CHD1L: variants seen among roughly 807,000 people sequenced by gnomAD.
CHD1L encodes chromodomain helicase DNA binding protein 1 like, also known as ATP-dependent chromatin remodeler CHD1L.
CHD1L carries 118 observed loss-of-function variants against 115.9 expected under a neutral mutation model. The observed-to-expected ratio is 1.02, with a 90% CI of 0.88 to 1.19. The LOEUF is 1.19. Ranked by LOEUF, CHD1L falls within the 50% of genes most tolerant of loss-of-function variation. CHD1L has a pLI of 0.00. For synonymous variants in CHD1L, 411 were observed against 387.1 expected (o/e 1.06, Z -0.72); for missense variants, 1,179 against 1,065.3 (o/e 1.11, Z -1.49).
intron 19 of CHD1L, among the ~76,000 whole-genome samples, chr1:147,291,186 C>G (rs1253537537): frequency 2.0e-5 from 3 of 152,164 alleles, no homozygotes; most frequent in African/African-American, 7.2e-5. Flanking sequence ...GCTCATAGTG[C>G]TCCCTCCCCA....
At chr1:147,284,682 A>C (rs1217010976) in intron 16 of CHD1L, among the ~76,000 whole-genome samples, 183 bp downstream of exon 16, 1 of 152,258 alleles carries the variant, frequency 6.6e-6, no homozygotes, top group Admixed American at 6.5e-5. Context: ...AAAAGTCAGC[A>C]TGAAAAACAT....
chr1:147,202,540 G>A, the CHD1L span, among the ~76,000 whole-genome samples: 16 of 151,926 alleles, frequency 1.1e-4, no homozygotes, highest in African/African-American at 2.9e-4. Context: ...AGCTGGTCTC[G>A]AACTCCTGAC....
At chr1:147,253,376 C>G (rs1267017742) in intron 2 of CHD1L, among the ~76,000 whole-genome samples, 1 of 152,194 alleles carries the variant, frequency 6.6e-6, no homozygotes, top group Non-Finnish European at 1.5e-5. Context: ...AGAATGGTTC[C>G]TGGCACAGCT....
chr1:147,275,528 G>A, intron 13 of CHD1L, 60 bp downstream of exon 13: 1 of 1,347,574 alleles, frequency 7.4e-7, no homozygotes, highest in Non-Finnish European at 1.1e-6. Context: ...TTGTGAAAAA[G>A]GTGAAGAATA....
chr1:147,204,697 T>C, the CHD1L span: 4 of 1,553,128 alleles, frequency 2.6e-6, no homozygotes, highest in East Asian at 2.2e-5. Context: ...AGCAGGATGC[T>C]GTACTTCTAG....
the CHD1L span, chr1:147,204,849 A>G: frequency 6.2e-7 from 1 of 1,601,562 alleles, no homozygotes; most frequent in South Asian, 1.1e-5. Context: ...TTCTATACAC[A>G]GCCTCTTCTA....
the CHD1L span, among the ~76,000 whole-genome samples, chr1:147,200,501 G>A: frequency 1.3e-5 from 2 of 151,938 alleles, no homozygotes; most frequent in Non-Finnish European, 2.9e-5. Flanking sequence ...CAGTTGTAAT[G>A]TTCTAGAACA....
At chr1:147,280,213 A>G in intron 15 of CHD1L, 22 bp downstream of exon 15, 1 of 1,540,152 alleles carries the variant, frequency 6.5e-7, no homozygotes, top group East Asian at 2.3e-5. Context: ...GTTAGAGCAG[A>G]GCAAATGGCA....
chr1:147,278,915 A>G (rs782639160), intron 14 of CHD1L, among the ~76,000 whole-genome samples: 1 of 152,296 alleles, frequency 6.6e-6, no homozygotes, highest in South Asian at 2.1e-4. Context: ...AAACACATGT[A>G]ATTTTCTTAA....
At position 147,255,871 on chromosome 1, in the gene CHD1L, C is replaced by T. The variant is rs1553939941; in HGVS notation, c.406C>T (p.Leu136Phe). ...AGGCGACAAGGAGGAAAGAGCCTGC[C>T]TTCAGCAAGACCTGAAACAGGAGTC... ...YAGDKEERAC[L>F]QQDLKQESRF... The change falls in exon 4 of 23, where the codon CTT (leucine) becomes TTT (phenylalanine). Residue 136 changes from leucine to phenylalanine, a missense_variant. Coordinates refer to ENST00000369258, the MANE Select transcript of CHD1L (RefSeq NM_004284.6). The T allele has an allele frequency of 5.0e-6, 8 of 1,613,762 alleles. No homozygotes were observed. The highest frequency in any genetic ancestry group is 6.8e-6 in the Non-Finnish European group (8 of 1,179,866).
At chr1:147,222,683 C>T in the CHD1L span, among the ~76,000 whole-genome samples, 4 of 152,292 alleles carry the variant, frequency 2.6e-5, no homozygotes, top group African/African-American at 9.6e-5. Context: ...TATGATGAAA[C>T]ACAGCTTATT....
the CHD1L span, among the ~76,000 whole-genome samples, chr1:147,192,118 C>T: frequency 3.9e-5 from 6 of 152,068 alleles, no homozygotes; most frequent in East Asian, 7.7e-4. Flanking sequence ...GCCATTTTCA[C>T]GATATTGATT....
the CHD1L span, chr1:147,201,113 C>A: frequency 7.0e-7 from 1 of 1,423,500 alleles, no homozygotes; most frequent in Admixed American, 1.9e-5. Context: ...GTAAACATAT[C>A]ACCAAGTAAT....
chr1:147,215,433 A>G, the CHD1L span: 1 of 233,806 alleles, frequency 4.3e-6, no homozygotes, highest in Non-Finnish European at 8.3e-6. Flanking sequence ...TAAAGTTCCC[A>G]TACCTATCAG....
upstream of CHD1L, among the ~76,000 whole-genome samples, chr1:147,241,096 C>T (rs1490777004): frequency 2.6e-5 from 4 of 152,066 alleles, no homozygotes; most frequent in African/African-American, 9.7e-5. Context: ...TTGCTTGTCT[C>T]CTCCTTTTAA....
At chr1:147,216,548 A>G in the CHD1L span, among the ~76,000 whole-genome samples, 4 of 152,080 alleles carry the variant, frequency 2.6e-5, no homozygotes, top group East Asian at 7.7e-4. Context: ...TGTATATGAA[A>G]CTCCTTGCAA....
At chr1:147,201,109 A>G in the CHD1L span, 20 of 1,401,694 alleles carry the variant, frequency 1.4e-5, no homozygotes, top group Non-Finnish European at 2.0e-5. Context: ...AGAGGTAAAC[A>G]TATCACCAAG....
upstream of CHD1L, among the ~76,000 whole-genome samples, chr1:147,240,947 G>A (rs997276015): frequency 7.2e-5 from 11 of 152,056 alleles, no homozygotes; most frequent in Middle Eastern, 3.4e-3. Context: ...GCTGAGCGCC[G>A]GTTCCCTGGG....
the CHD1L span, among the ~76,000 whole-genome samples, chr1:147,233,070 C>T: frequency 6.6e-6 from 1 of 152,032 alleles, no homozygotes; most frequent in South Asian, 2.1e-4. Flanking sequence ...CTCTGCCCGG[C>T]CGCCCATCGT....
Sources: allele counts gnomAD v4.1 joint callset (sites outside exome capture counted in the v4.1 genomes callset), GRCh38; gene constraint gnomAD v4.1.1; transcripts MANE v1.5; gene names NCBI Gene and HGNC (gene_info 2026-07-23, HGNC 2026-07-21).